The following PRKN variants were observed in gnomAD, a reference collection of about 807,000 sequenced individuals.
PRKN encodes E3 ubiquitin-protein ligase parkin.
Under a neutral mutation model 59.5 loss-of-function variants are expected in PRKN, and 56 were observed. The ratio of observed to expected loss-of-function variants is 0.94; its 90% CI spans 0.76 to 1.18. The LOEUF (loss-of-function observed/expected upper bound fraction) is 1.18. PRKN is among the 50% of genes most tolerant of loss of function. The pLI is 0.00. For missense variants in PRKN, 657 were observed against 596.4 expected, an observed-to-expected ratio of 1.10 and a Z score of -1.06; for synonymous variants, 250 against 222.1, an observed-to-expected ratio of 1.13 and a Z score of -1.12.
At chr6:162,203,394 C>G (rs1485735407) in intron 3 of PRKN, among the ~76,000 whole-genome samples, 1 of 152,104 alleles carries the variant, frequency 6.6e-6, no homozygotes, top group Non-Finnish European at 1.5e-5. Flanking sequence ...AGATCAAGGT[C>G]AGGCCAGTCG....
At chr6:161,735,141 A>G (rs1361255598) in intron 7 of PRKN, among the ~76,000 whole-genome samples, 1 of 151,890 alleles carries the variant, frequency 6.6e-6, no homozygotes, top group African/African-American at 2.4e-5. Flanking sequence ...CAAGGTCAAG[A>G]GTTTGAGACC....
In PRKN at chr6:162,444,503, C is replaced by G. The variant is rs531190612; in HGVS notation, c.8-1030G>C. On this transcript the variant is annotated intron_variant, in intron 1 of 11. Transcript: ENST00000366898. The stretch of plus-strand genomic sequence containing the variant: ...TAAATGCTCCCAGAAAAAAAAAAAT[C>G]ACAAAAAACTGCTGCACACAACTTC... Among the ~76,000 whole-genome samples the G allele has an allele frequency of 6.0e-5, 9 of 149,428 alleles. 1 individual carries two copies. In the South Asian group the frequency reaches 1.9e-3, roughly 32 times the overall value.
intron 1 of PRKN, among the ~76,000 whole-genome samples, chr6:162,483,575 G>A (rs73035873): frequency 4.6e-5 from 7 of 151,918 alleles, no homozygotes; most frequent in African/African-American, 1.4e-4. Context: ...GAGAGAGGGA[G>A]AGAGGGAGAC....
rs539675128 is a variant in PRKN, at chr6:162,579,618, C to A, written c.8-136145G>T. 2.5e-4 allele frequency among the ~76,000 whole-genome samples: 37 copies of A among 149,640 alleles called. No homozygotes were observed. In the South Asian group the frequency reaches 4.7e-3, roughly 19 times the overall value. ...GTGCACAGATTCACACACACAGATA[C>A]ACACATACACACAAATTCACACAGA... On this transcript the variant is annotated intron_variant, in intron 1 of 11. Transcript: ENST00000366898.
At position 161,550,029 on chromosome 6, in the gene PRKN, C is replaced by T. The variant is rs1779942927; in HGVS notation, c.934-1026G>A. 6.6e-6 allele frequency among the ~76,000 whole-genome samples: 1 copy of T among 152,126 alleles called. No homozygotes were observed. The highest frequency in any genetic ancestry group is 1.5e-5 in the Non-Finnish European group (1 of 68,038). ...TTTTAAAGAGGTGATTACAGAATGC[C>T]TTACAAAGCAGGTGTCTTTAAGCAA... On this transcript the variant is annotated intron_variant, in intron 8 of 11. Transcript: ENST00000366898. This position sits in a 1 kb window ranked among gnomAD's most constrained non-coding sequence, Gnocchi z 4.0.
intron 2 of PRKN, among the ~76,000 whole-genome samples, chr6:162,319,046 T>C (rs749692830): frequency 3.3e-5 from 5 of 152,160 alleles, no homozygotes; most frequent in Non-Finnish European, 7.4e-5. Context: ...TAAGTAAGCT[T>C]TGTTTTATTC....
chr6:162,656,165 A>G (rs1443224945), intron 1 of PRKN, among the ~76,000 whole-genome samples: 1 of 152,242 alleles, frequency 6.6e-6, no homozygotes, highest in Non-Finnish European at 1.5e-5. Context: ...AAGAGCAGTT[A>G]CAGAAACATT....
At chr6:161,918,555 A>G (rs1053980951) in intron 6 of PRKN, among the ~76,000 whole-genome samples, 2 of 152,206 alleles carry the variant, frequency 1.3e-5, no homozygotes, top group Non-Finnish European at 2.9e-5. Context: ...TTCATTTTCT[A>G]TGCAAAATAC....
rs1463830184 is a variant in PRKN, at chr6:161,630,754, G to C, written c.872-61338C>G. ...CCACCATGTCTAGGGCCCTAGACTA[G>C]GCACTCAGGAAGAGAAGCAGTGATG... is the stretch of plus-strand genomic sequence containing the variant. On this transcript the variant is annotated intron_variant, in intron 7 of 11. Transcript: ENST00000366898. Among the ~76,000 whole-genome samples, 6 of 152,016 alleles carry C rather than the reference G, an allele frequency of 3.9e-5. No individual in the cohort carries two copies. In the East Asian group the frequency reaches 9.7e-4, roughly 25 times the overall value.
At chr6:161,383,996 C>A (rs896337048) in intron 10 of PRKN, among the ~76,000 whole-genome samples, 4 of 152,160 alleles carry the variant, frequency 2.6e-5, no homozygotes, top group African/African-American at 9.7e-5. Flanking sequence ...TGATCAGGAA[C>A]CAGAAGCAGG....
At chr6:162,622,792 A>G (rs1782729094) in intron 1 of PRKN, among the ~76,000 whole-genome samples, 1 of 152,164 alleles carries the variant, frequency 6.6e-6, no homozygotes, top group Non-Finnish European at 1.5e-5. Context: ...GGGTTTCATG[A>G]GCGGAAAAGC....
chr6:161,737,744 T>C (rs886872449), intron 7 of PRKN, among the ~76,000 whole-genome samples: 1 of 152,018 alleles, frequency 6.6e-6, no homozygotes, highest in East Asian at 1.9e-4. Flanking sequence ...GATGACTCCA[T>C]AAACATGGCA....
chr6:162,348,138 A>G (rs1784481696), intron 2 of PRKN, among the ~76,000 whole-genome samples: 1 of 152,214 alleles, frequency 6.6e-6, no homozygotes, highest in Admixed American at 6.5e-5. Context: ...GGGACCCACG[A>G]GGGTAAGGAA....
chr6:161,472,637 A>G (rs1042459718), intron 9 of PRKN, among the ~76,000 whole-genome samples: 1 of 152,214 alleles, frequency 6.6e-6, no homozygotes, highest in Non-Finnish European at 1.5e-5. Flanking sequence ...AACAAAAGTG[A>G]AAATAAACAA....
intron 4 of PRKN, among the ~76,000 whole-genome samples, chr6:162,116,296 C>T (rs1480258903): frequency 4.6e-5 from 7 of 152,208 alleles, no homozygotes; most frequent in Non-Finnish European, 5.9e-5. Flanking sequence ...GAAAAGTCAA[C>T]AAGCAATCCA....
At chr6:162,048,698 T>C (rs2128283941) in intron 5 of PRKN, among the ~76,000 whole-genome samples, 1 of 141,124 alleles carries the variant, frequency 7.1e-6, no homozygotes, top group Non-Finnish European at 1.5e-5. Flanking sequence ...TATAATACAC[T>C]AGCACCAAAA....
chr6:162,727,335 G>GCGC, intron 1 of PRKN: 6 of 400,348 alleles, frequency 1.5e-5, no homozygotes, highest in Non-Finnish European at 1.8e-5. Context: ...CGGCGGCGGG[G>GCGC]AGAAGGCTTC....
At chr6:162,532,909 G>C (rs1043738874) in intron 1 of PRKN, among the ~76,000 whole-genome samples, 1 of 152,172 alleles carries the variant, frequency 6.6e-6, no homozygotes, top group African/African-American at 2.4e-5. Flanking sequence ...AGCAGGAACT[G>C]GAAGTCATCA....
rs985747412 is a variant in PRKN at position 161,428,636 on chromosome 6, C to A, written c.1084-41759G>T. Among the ~76,000 whole-genome samples the A allele has an allele frequency of 6.6e-6, 1 of 152,186 alleles. No homozygotes were observed. The highest frequency in any genetic ancestry group is 1.5e-5 in the Non-Finnish European group (1 of 68,042). The stretch of plus-strand genomic sequence containing the variant: ...TTTTCCACACATCTGAAGGGCGATT[C>A]TTTGTCAACTGCTACTGTCTTGCTA... On this transcript the variant is annotated intron_variant, in intron 9 of 11. Coordinates refer to ENST00000366898, the MANE Select transcript of PRKN (RefSeq NM_004562.3). The surrounding 1 kb of genome is among the most constrained non-coding windows in gnomAD (Gnocchi z 4.0).
Sources: allele counts gnomAD v4.1 joint callset (sites outside exome capture counted in the v4.1 genomes callset), GRCh38; gene constraint gnomAD v4.1.1; non-coding constraint Gnocchi (gnomAD v3.1); transcripts MANE v1.5; gene names NCBI Gene and HGNC (gene_info 2026-07-23, HGNC 2026-07-21).